The following C16orf46 variants were observed in gnomAD, a reference collection of about 807,000 sequenced individuals.
C16orf46 encodes the protein uncharacterized protein C16orf46.
In C16orf46, 7 loss-of-function variants were observed where a neutral mutation model predicts 5.5. The observed-to-expected ratio is 1.28, with a 90% CI of 0.73 to 2.40. The LOEUF is 2.40. Among genes scored for constraint, C16orf46 ranks in the 30% most tolerant of loss-of-function variants. C16orf46 has a pLI of 0.00. For missense variants in C16orf46, 614 were observed against 476.0 expected, an observed-to-expected ratio of 1.29 and a Z score of -2.70; for synonymous variants, 200 against 184.1, an observed-to-expected ratio of 1.09 and a Z score of -0.70.
chr16:81,057,675 GGTT>G (rs58235937), downstream of C16orf46, among the ~76,000 whole-genome samples: 3 of 151,480 alleles, frequency 2.0e-5, no homozygotes, highest in Non-Finnish European at 2.9e-5. Flanking sequence ...AGTTCATTTA[GGTT>G]GTTGTTGTTG....
At chr16:81,059,188 G>T (rs1971389480), downstream of C16orf46, among the ~76,000 whole-genome samples, 1 of 151,854 alleles carries the variant, frequency 6.6e-6, no homozygotes, top group East Asian at 1.9e-4. Context: ...GAGTGTGGTG[G>T]TGGGCACCTG....
At chr16:81,057,329 ATT>A (rs1215629603), downstream of C16orf46, among the ~76,000 whole-genome samples, 2 of 151,490 alleles carry the variant, frequency 1.3e-5, no homozygotes, top group East Asian at 2.0e-4. Flanking sequence ...CGGGCGCATC[ATT>A]TGAGGTCAGG....
At chr16:81,065,133 C>T (rs573376704) in intron 2 of C16orf46, among the ~76,000 whole-genome samples, 21 of 152,142 alleles carry the variant, frequency 1.4e-4, no homozygotes, top group Non-Finnish European at 2.5e-4. Flanking sequence ...GGCTGTGTCC[C>T]TTGAGCGATG....
intron 1 of C16orf46, among the ~76,000 whole-genome samples, chr16:81,075,562 C>A (rs1334893592): frequency 6.6e-6 from 1 of 152,176 alleles, no homozygotes. Context: ...TACACTCCAA[C>A]CTGGGTAACA....
At chr16:81,069,999 G>T (rs757291220) in intron 1 of C16orf46, 1 of 151,988 alleles carries the variant, frequency 6.6e-6, no homozygotes, top group Admixed American at 6.6e-5. Context: ...GGTGATGGCC[G>T]CCTACAATCC....
downstream of C16orf46, chr16:81,056,395 C>G (rs1971295542): frequency 6.6e-6 from 1 of 152,124 alleles, no homozygotes; most frequent in Admixed American, 6.6e-5. Context: ...AGAGACTCTT[C>G]TCAGAGAAAA....
At chr16:81,066,789 T>C (rs970822345) in intron 1 of C16orf46, among the ~76,000 whole-genome samples, 1 of 152,184 alleles carries the variant, frequency 6.6e-6, no homozygotes, top group Non-Finnish European at 1.5e-5. Flanking sequence ...CCTGATTCAG[T>C]TTGAGAATCA....
rs1223131435 is a variant in C16orf46 at position 81,061,631 on chromosome 16, C to A, written c.718G>T (p.Val240Leu). The A allele has an allele frequency of 1.2e-6, 2 of 1,614,080 alleles. No homozygotes were observed. Among genetic ancestry groups the A allele is most frequent in the Admixed American group, 1.7e-5 (1 of 59,996 alleles). Reference protein sequence around the residue: ...KNSFLQSEEKVLDVEKDGCVA... With the variant: ...KNSFLQSEEKLLDVEKDGCVA... Reference sequence around the variant, plus strand: ...CACCCATCCTTTTCCACATCCAGCACCTTCTCTTCTGACTGCAAGAAAGAG... The same window carrying A: ...CACCCATCCTTTTCCACATCCAGCAACTTCTCTTCTGACTGCAAGAAAGAG... Residue 240 changes from valine (V) to leucine (L), a missense_variant, in exon 4 of 4, where the codon GTG becomes TTG. Val to Leu is a conservative substitution (Grantham distance 32). Coordinates refer to ENST00000299578, the MANE Select transcript of C16orf46 (RefSeq NM_152337.3).
chr16:81,060,030 C>T (rs561147372), downstream of C16orf46, among the ~76,000 whole-genome samples: 11 of 152,020 alleles, frequency 7.2e-5, no homozygotes, highest in South Asian at 4.2e-4. Flanking sequence ...CCTCATGATC[C>T]GCCCGCCTCA....
At chr16:81,072,727 A>G (rs898739982) in intron 1 of C16orf46, among the ~76,000 whole-genome samples, 1 of 149,630 alleles carries the variant, frequency 6.7e-6, no homozygotes, top group African/African-American at 2.5e-5. Flanking sequence ...TTTGAGACAG[A>G]GTCTCACTCT....
chr16:81,055,182 A>G (rs1971259704), intron 3 of C16orf46: 1 of 152,200 alleles, frequency 6.6e-6, no homozygotes, highest in Non-Finnish European at 1.5e-5. Flanking sequence ...TATTTATCCC[A>G]AATTCCATAT....
chr16:81,068,565 A>ATTTTTTTTT (rs33943128), intron 1 of C16orf46, among the ~76,000 whole-genome samples: 1 of 131,366 alleles, frequency 7.6e-6, no homozygotes, highest in East Asian at 2.2e-4. Context: ...ATTTCTTTGT[A>ATTTTTTTTT]TTTTTTTTTT....
intron 1 of C16orf46, among the ~76,000 whole-genome samples, chr16:81,068,563 G>GT (rs1481223297): frequency 9.6e-5 from 6 of 62,512 alleles, no homozygotes; most frequent in Non-Finnish European, 1.6e-4. Flanking sequence ...GTATTTCTTT[G>GT]TATTTTTTTT....
chr16:81,074,268 C>T (rs80169142), intron 1 of C16orf46, among the ~76,000 whole-genome samples: 1 of 152,220 alleles, frequency 6.6e-6, no homozygotes, highest in African/African-American at 2.4e-5. Context: ...GAAAGCAATA[C>T]CTCAAAAGTG....
intron 1 of C16orf46, among the ~76,000 whole-genome samples, chr16:81,074,801 A>T (rs1271347083): frequency 1.3e-5 from 2 of 149,918 alleles, no homozygotes; most frequent in African/African-American, 4.9e-5. Flanking sequence ...CATGCTGTTG[A>T]TTTTCTTTTC....
intron 1 of C16orf46, among the ~76,000 whole-genome samples, chr16:81,066,497 G>A (rs995340162): frequency 1.3e-5 from 2 of 152,032 alleles, no homozygotes; most frequent in Non-Finnish European, 2.9e-5. Context: ...CTGCCACCAC[G>A]CCTGGCTAAT....
Position 81,063,761 on chromosome 16 carries a change from A to C in C16orf46, c.195T>G (p.Thr65=), listed in dbSNP as rs755643731. 2 of 1,613,250 alleles carry C rather than the reference A, an allele frequency of 1.2e-6. No individual in the cohort carries two copies. Among genetic ancestry groups the C allele is most frequent in the Admixed American group, 1.7e-5 (1 of 60,010 alleles). The stretch of plus-strand genomic sequence containing the variant: ...AGATACTCACTGCCTCTTCCCATCC[A>C]GTTCCAATAATAAACTCTTTGGCTT... ...DEKAKEFIIG[T]GWEEAVQGWG... Residue 65 remains threonine, a synonymous_variant, in exon 3 of 4, where the codon ACT becomes ACG. Transcript: ENST00000299578.
intron 1 of C16orf46, among the ~76,000 whole-genome samples, chr16:81,067,444 T>C (rs2151753991): frequency 6.6e-6 from 1 of 152,334 alleles, no homozygotes; most frequent in African/African-American, 2.4e-5. Context: ...AAAGCCATGA[T>C]GTTATCGGAG....
intron 1 of C16orf46, among the ~76,000 whole-genome samples, chr16:81,070,490 C>T (rs1358951493): frequency 2.0e-5 from 3 of 152,036 alleles, no homozygotes; most frequent in East Asian, 1.9e-4. Context: ...AAATACACCC[C>T]CCCAAACATG....
Sources: allele counts gnomAD v4.1 joint callset (sites outside exome capture counted in the v4.1 genomes callset), GRCh38; gene constraint gnomAD v4.1.1; transcripts MANE v1.5; gene names NCBI Gene and HGNC (gene_info 2026-07-23, HGNC 2026-07-21).